SLC16A12: variants seen among roughly 807,000 people sequenced by gnomAD.
The protein encoded by SLC16A12 is solute carrier family 16 member 12.
Under a neutral mutation model 42.4 loss-of-function variants are expected in SLC16A12, and 17 were observed. The ratio of observed to expected loss-of-function variants is 0.40; its 90% CI spans 0.27 to 0.60. SLC16A12 has a LOEUF of 0.60. SLC16A12 is among the 20% of genes least tolerant of loss of function. The pLI is 0.42. For missense variants in SLC16A12, 544 were observed against 623.0 expected (o/e 0.87, Z 1.35); for synonymous variants, 224 against 229.4 (o/e 0.98, Z 0.21).
chr10:89,454,328 A>T (rs1226999282), intron 3 of SLC16A12, among the ~76,000 whole-genome samples: 3 of 152,120 alleles, frequency 2.0e-5, no homozygotes, highest in East Asian at 3.9e-4. Context: ...ATTCCTCAAC[A>T]TATTAATATC....
chr10:89,476,282 C>T (rs1030396289), intron 2 of SLC16A12, among the ~76,000 whole-genome samples: 2 of 152,190 alleles, frequency 1.3e-5, no homozygotes, highest in African/African-American at 4.8e-5. Context: ...TTATTGAGAA[C>T]AGTGCTGCTC....
intron 2 of SLC16A12, among the ~76,000 whole-genome samples, chr10:89,485,763 G>T (rs1240211197): frequency 6.6e-6 from 1 of 152,186 alleles, no homozygotes; most frequent in Admixed American, 6.5e-5. Context: ...GTGTTTGTGT[G>T]CAGAAAGGAG....
intron 2 of SLC16A12, among the ~76,000 whole-genome samples, chr10:89,511,854 T>G (rs187708530): frequency 3.3e-5 from 5 of 152,270 alleles, no homozygotes; most frequent in African/African-American, 9.6e-5. Flanking sequence ...AACAAATGTT[T>G]GTACACCCAT....
At chr10:89,532,552 G>A (rs1052550252) in intron 2 of SLC16A12, among the ~76,000 whole-genome samples, 1 of 152,110 alleles carries the variant, frequency 6.6e-6, no homozygotes, top group African/African-American at 2.4e-5. Flanking sequence ...TATATACACT[G>A]GAAAGGTACT....
At chr10:89,457,290 C>A (rs939195008) in intron 3 of SLC16A12, among the ~76,000 whole-genome samples, 1 of 151,948 alleles carries the variant, frequency 6.6e-6, no homozygotes, top group Non-Finnish European at 1.5e-5. Context: ...AGAAAAAAAA[C>A]AAACAACCCC....
At chr10:89,541,626 A>G (rs764140906) in intron 2 of SLC16A12, among the ~76,000 whole-genome samples, 2 of 152,166 alleles carry the variant, frequency 1.3e-5, no homozygotes, top group African/African-American at 2.4e-5. Flanking sequence ...GAGCAGCTAC[A>G]TATCCCAGTT....
At chr10:89,474,401 A>G (rs779066796) in intron 2 of SLC16A12, among the ~76,000 whole-genome samples, 6 of 152,192 alleles carry the variant, frequency 3.9e-5, no homozygotes, top group Non-Finnish European at 5.9e-5. Context: ...CGCCTAATAA[A>G]TGAATGAAAT....
At chr10:89,488,686 G>C (rs185352617) in intron 2 of SLC16A12, among the ~76,000 whole-genome samples, 20 of 152,328 alleles carry the variant, frequency 1.3e-4, no homozygotes, top group Non-Finnish European at 2.9e-5. Flanking sequence ...GAAATCTGTA[G>C]ATGGCTCCTC....
intron 2 of SLC16A12, among the ~76,000 whole-genome samples, chr10:89,554,835 C>T (rs1181495544): frequency 6.6e-6 from 1 of 152,166 alleles, no homozygotes; most frequent in African/African-American, 2.4e-5. Flanking sequence ...CCCTCTAGCC[C>T]TCTAGCCATC....
intron 2 of SLC16A12, among the ~76,000 whole-genome samples, chr10:89,526,666 C>A (rs1358638657): frequency 2.6e-5 from 4 of 152,154 alleles, no homozygotes; most frequent in Non-Finnish European, 5.9e-5. Context: ...TACTTGGAAA[C>A]CAAATATGTG....
intron 2 of SLC16A12, among the ~76,000 whole-genome samples, chr10:89,466,138 T>C (rs1303134479): frequency 2.0e-5 from 3 of 152,188 alleles, no homozygotes; most frequent in Non-Finnish European, 1.5e-5. Flanking sequence ...ATCCATAAAA[T>C]GGAGGTAATA....
At chr10:89,535,110 A>G (rs1843631935) in intron 1 of SLC16A12, among the ~76,000 whole-genome samples, 1 of 151,958 alleles carries the variant, frequency 6.6e-6, no homozygotes, top group African/African-American at 2.4e-5. Flanking sequence ...ATGTACTATA[A>G]ACATAAAATC....
At chr10:89,481,375 G>T (rs1392659597) in intron 2 of SLC16A12, among the ~76,000 whole-genome samples, 1 of 151,788 alleles carries the variant, frequency 6.6e-6, no homozygotes, top group Non-Finnish European at 1.5e-5. Flanking sequence ...GTTCACATCC[G>T]CTTGTCTATA....
chr10:89,430,311 A>G lies in SLC16A12; in HGVS notation c.*2753T>C, dbSNP rs7920492. The G allele has an allele frequency of 0.03, 6,873 of 231,390 alleles. 521 individuals are homozygous for G. Among genetic ancestry groups the G allele is most frequent in the African/African-American group, 0.15 (6,385 of 41,992 alleles). The allele number at this position is 231,390 out of a possible 1,614,324, so 14.3% of individuals were successfully genotyped here. A position where few individuals can be genotyped will look rare whatever the true frequency, so the allele number is the denominator to read the frequency against. Reference sequence around the variant, plus strand: ...ATGTCTTTCCAAACACAGGACAATAAATTCATTTTATTTTGCTTTTGAAAT... The same window carrying G: ...ATGTCTTTCCAAACACAGGACAATAGATTCATTTTATTTTGCTTTTGAAAT... On this transcript the variant is annotated 3_prime_UTR_variant, in exon 8 of 8. Coordinates refer to ENST00000371790, the MANE Select transcript of SLC16A12 (RefSeq NM_213606.4).
intron 2 of SLC16A12, among the ~76,000 whole-genome samples, chr10:89,510,916 C>T (rs1487625160): frequency 6.6e-6 from 1 of 151,878 alleles, no homozygotes; most frequent in Non-Finnish European, 1.5e-5. Flanking sequence ...CAAAATGGGC[C>T]AAGGATATGG....
chr10:89,539,905 C>CTTTCTTT (rs1554834030), upstream of SLC16A12, among the ~76,000 whole-genome samples: 1 of 140,734 alleles, frequency 7.1e-6, no homozygotes, highest in East Asian at 2.0e-4. Flanking sequence ...TTCTTTCTTT[C>CTTTCTTT]TTTCTTTTTT....
chr10:89,462,597 G>T lies in SLC16A12; in HGVS notation c.-19C>A. On this transcript the variant is annotated 5_prime_UTR_variant, in exon 3 of 8. Transcript: ENST00000371790. ...ATGGCATTCAAGGTTGGCATAGAAC[G>T]CTACCTGGCCCATGGGTTACTCGCC... is the stretch of plus-strand genomic sequence containing the variant. 6.3e-7 allele frequency: 1 copy of T among 1,584,910 alleles called. No individual in the cohort carries two copies. Among genetic ancestry groups the T allele is most frequent in the Non-Finnish European group, 8.5e-7 (1 of 1,169,886 alleles).
chr10:89,520,657 C>T (rs140773362), intron 2 of SLC16A12, among the ~76,000 whole-genome samples: 8 of 150,828 alleles, frequency 5.3e-5, no homozygotes, highest in Middle Eastern at 3.4e-3. Context: ...AAATGACAAT[C>T]CCTGGCAGAT....
intron 2 of SLC16A12, among the ~76,000 whole-genome samples, chr10:89,521,201 C>T (rs1843347632): frequency 6.6e-6 from 1 of 152,188 alleles, no homozygotes; most frequent in African/African-American, 2.4e-5. Flanking sequence ...AATGCCTTGT[C>T]TCTGTCATAG....
Sources: allele counts gnomAD v4.1 joint callset (sites outside exome capture counted in the v4.1 genomes callset), GRCh38; gene constraint gnomAD v4.1.1; transcripts MANE v1.5; gene names NCBI Gene and HGNC (gene_info 2026-07-23, HGNC 2026-07-21).